Variants in SLC66A1 observed in about 807,000 individuals in gnomAD.
SLC66A1 encodes the protein lysosomal amino acid transporter 1 homolog.
In SLC66A1, 23 loss-of-function variants were observed where a neutral mutation model predicts 33.0. That is an observed-to-expected ratio of 0.70 (90% CI 0.50 to 0.99). SLC66A1 has a LOEUF of 0.99. SLC66A1 is among the 50% of genes least tolerant of loss of function. SLC66A1 has a pLI of 0.00. For missense variants in SLC66A1, 335 were observed against 383.6 expected (o/e 0.87, Z 1.06); for synonymous variants, 164 against 175.5 (o/e 0.93, Z 0.52).
chr1:19,328,932 G>T lies in SLC66A1; in HGVS notation c.*289G>T. On this transcript the variant is annotated 3_prime_UTR_variant, in exon 8 of 8. Coordinates refer to ENST00000375153, the MANE Select transcript of SLC66A1 (RefSeq NM_001040125.2). This position sits in a 1 kb window ranked among gnomAD's most constrained non-coding sequence, Gnocchi z 4.7. ...CCAGGGGCCACAGCCACAGCCTGCT[G>T]GACTCAGGACTGTCCTGTCAACTCC... 1 of 528,842 alleles carries T rather than the reference G, an allele frequency of 1.9e-6. No homozygotes were observed. The highest frequency in any genetic ancestry group is 3.4e-6 in the Non-Finnish European group (1 of 293,108). The allele number at this position is 528,842 out of a possible 1,614,324, so 32.8% of individuals were successfully genotyped here.
intron 6 of SLC66A1, 99 bp downstream of exon 6, chr1:19,326,722 G>T: frequency 7.9e-7 from 1 of 1,269,280 alleles, no homozygotes; most frequent in Non-Finnish European, 1.1e-6. Flanking sequence ...TAGGAGCCTT[G>T]GTTCAGAAAG....
chr1:19,334,077 G>A (rs2093898793), downstream of SLC66A1, among the ~76,000 whole-genome samples: 1 of 152,242 alleles, frequency 6.6e-6, no homozygotes, highest in Non-Finnish European at 1.5e-5. Context: ...CAGTCACCCA[G>A]TAGCAGCACT....
At chr1:19,320,551 C>T (rs1157824698) in intron 2 of SLC66A1, among the ~76,000 whole-genome samples, 10 of 150,922 alleles carry the variant, frequency 6.6e-5, no homozygotes, top group Admixed American at 5.9e-4. Context: ...GTAGCTGGGA[C>T]TACAGGCACC....
Position 19,326,374 on chromosome 1 carries a change from A to G in SLC66A1, c.512A>G (p.Glu171Gly). The part of the protein sequence containing the change: ...AFRGRALLSV[E>G]SGSKPFTRQE... ...CGGGGGCGGGCGCTCCTGTCCGTGGAGTCGGGCAGCAAGGTGAGGCGTGGG... is the reference window on the plus strand; with the variant it reads ...CGGGGGCGGGCGCTCCTGTCCGTGGGGTCGGGCAGCAAGGTGAGGCGTGGG... The change falls in exon 5 of 8, where the codon GAG (glutamate) becomes GGG (glycine). Residue 171 changes from glutamate (E) to glycine (G), a missense_variant. Transcript: ENST00000375153. The G allele has an allele frequency of 6.2e-7, 1 of 1,606,988 alleles. No homozygotes were observed. The highest frequency in any genetic ancestry group is 8.5e-7 in the Non-Finnish European group (1 of 1,178,888).
At chr1:19,317,461 G>A in intron 1 of SLC66A1, 139 bp from the exon 2 acceptor site, 1 of 1,134,582 alleles carries the variant, frequency 8.8e-7, no homozygotes, top group Non-Finnish European at 1.2e-6. Flanking sequence ...GGTCCTGGTG[G>A]GTGAAGATTA....
At chr1:19,319,784 T>A in intron 2 of SLC66A1, among the ~76,000 whole-genome samples, 1 of 150,600 alleles carries the variant, frequency 6.6e-6, no homozygotes, top group East Asian at 2.0e-4. Context: ...GTGCCTGTGG[T>A]CCCAGCTACT....
In SLC66A1 at chr1:19,327,222, C is replaced by T; in HGVS notation, c.619-5C>T. On this transcript the variant is annotated splice_region_variant and splice_polypyrimidine_tract_variant and intron_variant, in intron 6 of 7. Transcript: ENST00000375153. Reference sequence around the variant, plus strand: ...GGTCTCTGACCTGACCTCCTCCTGCCCCAGTTCCTCCGGAAGTCCACCCAG... The same window carrying T: ...GGTCTCTGACCTGACCTCCTCCTGCTCCAGTTCCTCCGGAAGTCCACCCAG... The T allele has an allele frequency of 6.2e-7, 1 of 1,612,398 alleles. No individual in the cohort carries two copies. Among genetic ancestry groups the T allele is most frequent in the East Asian group, 2.2e-5 (1 of 44,862 alleles).
At chr1:19,330,374 C>T (rs2093889121), downstream of SLC66A1, among the ~76,000 whole-genome samples, 1 of 152,182 alleles carries the variant, frequency 6.6e-6, no homozygotes. Context: ...GAAACGGTGC[C>T]ATGGCCATTC....
intron 2 of SLC66A1, among the ~76,000 whole-genome samples, chr1:19,318,635 G>A (rs1332363326): frequency 1.3e-5 from 2 of 151,978 alleles, no homozygotes; most frequent in African/African-American, 2.4e-5. Flanking sequence ...CTGCAGAGGC[G>A]GAAGAAGATT....
At chr1:19,318,986 G>T (rs1027499127) in intron 2 of SLC66A1, among the ~76,000 whole-genome samples, 53 of 152,092 alleles carry the variant, frequency 3.5e-4, no homozygotes, top group African/African-American at 1.3e-3. Context: ...GTGTGTGGGG[G>T]TCAGGGAAGG....
rs566661563 is a variant in SLC66A1 at position 19,312,704 on chromosome 1, G to T, written c.-264G>T. The T allele has an allele frequency of 6.5e-6, 1 of 152,916 alleles. No homozygotes were observed. The highest frequency in any genetic ancestry group is 2.1e-4 in the South Asian group (1 of 4,834). The allele number at this position is 152,916 out of a possible 1,614,324, so 9.5% of individuals were successfully genotyped here. ...CCTCGCGGCGCTGGCCCCAGCAGCT[G>T]TCCTATCATTATCCCTCCAAACAGG... On this transcript the variant is annotated 5_prime_UTR_variant, in exon 1 of 8. Transcript: ENST00000375153.
rs754297527 is a variant in SLC66A1, at chr1:19,317,647, C to G, written c.-31C>G. Reference sequence around the variant, plus strand: ...CCAGCGCCCTCCCTCCGGTGCAGCCCTGCCTGGCCGGGGGCCCCTCCTCCA... The same window carrying G: ...CCAGCGCCCTCCCTCCGGTGCAGCCGTGCCTGGCCGGGGGCCCCTCCTCCA... On this transcript the variant is annotated 5_prime_UTR_variant, in exon 2 of 8. Transcript: ENST00000375153. 5 of 1,611,212 alleles carry G rather than the reference C, an allele frequency of 3.1e-6. No homozygotes were observed. In the African/African-American group the frequency reaches 6.7e-5, roughly 22 times the overall value.
chr1:19,319,767 G>A (rs1389320039), intron 2 of SLC66A1, among the ~76,000 whole-genome samples: 1 of 151,060 alleles, frequency 6.6e-6, no homozygotes, highest in Non-Finnish European at 1.5e-5. Flanking sequence ...GCGGGGTGTG[G>A]TGGCGCGTGC....
chr1:19,328,858 G>C lies in SLC66A1; in HGVS notation c.*215G>C. 7 of 598,350 alleles carry C rather than the reference G, an allele frequency of 1.2e-5. No individual in the cohort carries two copies. In the South Asian group the frequency reaches 1.4e-4, roughly 12 times the overall value. The allele number at this position is 598,350 out of a possible 1,614,324, so 37.1% of individuals were successfully genotyped here. ...GCGGAGACCCCAGGGCCTCTCAGGA[G>C]ACAGTGAGGCTGCCCCTCCTACCAC... On this transcript the variant is annotated 3_prime_UTR_variant, in exon 8 of 8. Coordinates refer to ENST00000375153, the MANE Select transcript of SLC66A1 (RefSeq NM_001040125.2). This position sits in a 1 kb window ranked among gnomAD's most constrained non-coding sequence, Gnocchi z 4.7.
intron 1 of SLC66A1, chr1:19,313,132 G>T: frequency 1.1e-6 from 1 of 903,976 alleles, no homozygotes; most frequent in Non-Finnish European, 1.3e-6. Flanking sequence ...AGCCTAGGTG[G>T]TGGGTATTGC....
At position 19,328,672 on chromosome 1, in the gene SLC66A1, G is replaced by A. The variant is rs1469059873; in HGVS notation, c.*29G>A. On this transcript the variant is annotated 3_prime_UTR_variant, in exon 8 of 8. Transcript: ENST00000375153. The surrounding 1 kb of genome is among the most constrained non-coding windows in gnomAD (Gnocchi z 4.7). ...GAACCAGGCTGAGCGCAGGAGGACA[G>A]GCACCACCGGATGCCACACCAGGCA... is the stretch of plus-strand genomic sequence containing the variant. 2.5e-6 allele frequency: 4 copies of A among 1,608,122 alleles called. No individual in the cohort carries two copies. Among genetic ancestry groups the A allele is most frequent in the East Asian group, 2.2e-5 (1 of 44,820 alleles).
chr1:19,325,722 C>G (rs1030016905), intron 4 of SLC66A1, 140 bp downstream of exon 4: 3 of 739,070 alleles, frequency 4.1e-6, no homozygotes, highest in Non-Finnish European at 6.6e-6. Flanking sequence ...TTCCCCGGGC[C>G]TTATCTAAGA....
At chr1:19,321,629 C>T (rs929555665) in intron 2 of SLC66A1, among the ~76,000 whole-genome samples, 7 of 147,376 alleles carry the variant, frequency 4.7e-5, no homozygotes, top group Non-Finnish European at 1.0e-4. Context: ...TGCAGTGGTG[C>T]GATCTCAGCT....
At chr1:19,314,867 A>G (rs2093796694) in intron 1 of SLC66A1, among the ~76,000 whole-genome samples, 1 of 151,142 alleles carries the variant, frequency 6.6e-6, no homozygotes, top group East Asian at 1.9e-4. Context: ...GGCCTTGCAA[A>G]CGTGTAGTTC....
Sources: allele counts gnomAD v4.1 joint callset (sites outside exome capture counted in the v4.1 genomes callset), GRCh38; gene constraint gnomAD v4.1.1; non-coding constraint Gnocchi (gnomAD v3.1); transcripts MANE v1.5; gene names NCBI Gene and HGNC (gene_info 2026-07-23, HGNC 2026-07-21).